Variants in ITPR1 observed in about 807,000 individuals in gnomAD.
The protein encoded by ITPR1 is inositol 1,4,5-trisphosphate-gated calcium channel ITPR1.
In ITPR1, 96 loss-of-function variants were observed where a neutral mutation model predicts 318.4. The observed-to-expected ratio is 0.30, with a 90% CI of 0.26 to 0.36. ITPR1 has a LOEUF of 0.36. ITPR1 is among the 10% of genes least tolerant of loss of function. The pLI is 1.00. For synonymous variants in ITPR1, 1,312 were observed against 1,289.9 expected (o/e 1.02, Z -0.37); for missense variants, 2,440 against 3,460.2 (o/e 0.71, Z 7.40).
chr3:4,585,737 T>C (rs1489492498), intron 4 of ITPR1, among the ~76,000 whole-genome samples: 1 of 151,460 alleles, frequency 6.6e-6, no homozygotes, highest in Non-Finnish European at 1.5e-5. Flanking sequence ...GCACCCAGCC[T>C]AACATGCACT....
intron 60 of ITPR1, among the ~76,000 whole-genome samples, chr3:4,822,189 C>T (rs2049771817): frequency 2.0e-5 from 3 of 152,162 alleles, no homozygotes; most frequent in African/African-American, 7.2e-5. Flanking sequence ...TAAATGAGAC[C>T]TGGCAGGTGG....
chr3:4,706,327 C>T lies in ITPR1; in HGVS notation c.4818C>T (p.Tyr1606=), dbSNP rs1574947112. 2 of 1,613,016 alleles carry T rather than the reference C, an allele frequency of 1.2e-6. No individual in the cohort carries two copies. The highest frequency in any genetic ancestry group is 2.2e-5 in the East Asian group (1 of 44,870). The change falls in exon 37 of 62, where the codon TAC becomes TAT. Residue 1606 remains tyrosine, a synonymous_variant. Transcript: ENST00000649015. ...RDSVLAASRD[Y]RNIIERLQDI... ...CTGTTCTGGCAGCTTCCAGAGACTACCGGAATATCATTGAGAGATTGCAGG... is the reference window on the plus strand; with the variant it reads ...CTGTTCTGGCAGCTTCCAGAGACTATCGGAATATCATTGAGAGATTGCAGG...
chr3:4,835,363 G>T (rs1028529289), intron 60 of ITPR1, among the ~76,000 whole-genome samples: 1 of 152,154 alleles, frequency 6.6e-6, no homozygotes, highest in Non-Finnish European at 1.5e-5. Flanking sequence ...AACCCAGCCT[G>T]CTGCCCGCAT....
chr3:4,630,017 G>A (rs1437967988), intron 5 of ITPR1, among the ~76,000 whole-genome samples: 1 of 152,060 alleles, frequency 6.6e-6, no homozygotes, highest in Admixed American at 6.6e-5. Context: ...CTTCTTTAGA[G>A]CAAATATTAT....
chr3:4,508,291 T>C (rs2081536053), intron 2 of ITPR1, among the ~76,000 whole-genome samples: 1 of 152,104 alleles, frequency 6.6e-6, no homozygotes. Flanking sequence ...TGGGGTCCCT[T>C]AACTAGTATA....
At chr3:4,780,012 G>T (rs1015735587) in intron 49 of ITPR1, among the ~76,000 whole-genome samples, 3 of 151,954 alleles carry the variant, frequency 2.0e-5, no homozygotes, top group Non-Finnish European at 4.4e-5. Context: ...CCTCATGGGG[G>T]ACAGTGTGGT....
chr3:4,582,594 A>G (rs540764072), intron 4 of ITPR1, among the ~76,000 whole-genome samples: 30 of 152,360 alleles, frequency 2.0e-4, no homozygotes, highest in African/African-American at 6.7e-4. Context: ...GTGGTTGACC[A>G]TGTTGCATGA....
rs141033446 is a variant in ITPR1, at chr3:4,820,516, T to C, written c.8028+2274T>C. Among the ~76,000 whole-genome samples, 215 of 152,238 alleles carry C rather than the reference T, an allele frequency of 1.4e-3. 1 individual carries two copies. The highest frequency in any genetic ancestry group is 2.9e-3 in the Admixed American group (44 of 15,290). On this transcript the variant is annotated intron_variant, in intron 60 of 61. Transcript: ENST00000649015. ...ACTTGATAAGGATTAAGAGCCAGAG[T>C]GACCTGTAGCCCGCCACCCACCCAA... is the stretch of plus-strand genomic sequence containing the variant.
chr3:4,682,530 T>C (rs935363467), intron 26 of ITPR1, among the ~76,000 whole-genome samples: 10 of 152,242 alleles, frequency 6.6e-5, no homozygotes, highest in African/African-American at 2.4e-4. Context: ...CAATGCTTAA[T>C]ATAAAACCTG....
chr3:4,574,592 G>A (rs944140447), intron 4 of ITPR1, among the ~76,000 whole-genome samples: 2 of 152,216 alleles, frequency 1.3e-5, no homozygotes, highest in Admixed American at 6.5e-5. Flanking sequence ...TTAGAATCAT[G>A]TATAACGGCT....
chr3:4,791,216 A>G (rs912824560), intron 52 of ITPR1, among the ~76,000 whole-genome samples: 9 of 152,168 alleles, frequency 5.9e-5, no homozygotes, highest in African/African-American at 9.7e-5. Context: ...TCTTTTTGCT[A>G]TAATGTAGCA....
chr3:4,673,196 A>G lies in ITPR1; in HGVS notation c.2265A>G (p.Glu755=), dbSNP rs372382966. The G allele has an allele frequency of 1.2e-6, 2 of 1,613,918 alleles. No individual in the cohort carries two copies. The highest frequency in any genetic ancestry group is 3.3e-5 in the Admixed American group (2 of 60,016). ...ACCGCCAATACCTGGCCATCAACGA[A>G]ATCTCAGGCCAGCTGGATGTCGATC... ...CLDRQYLAIN[E]ISGQLDVDLI... Residue 755 remains glutamate, a synonymous_variant, in exon 21 of 62, where the codon GAA becomes GAG. Transcript: ENST00000649015.
intron 61 of ITPR1, among the ~76,000 whole-genome samples, chr3:4,840,760 A>G (rs767867076): frequency 1.1e-4 from 16 of 152,220 alleles, no homozygotes; most frequent in Non-Finnish European, 1.9e-4. Context: ...GATTCTGAAC[A>G]CTAAATGTGA....
intron 4 of ITPR1, among the ~76,000 whole-genome samples, chr3:4,527,882 G>C (rs566212221): frequency 1.3e-5 from 2 of 152,182 alleles, no homozygotes; most frequent in East Asian, 3.9e-4. Flanking sequence ...GGATTTAGTA[G>C]GATTATTTTA....
At chr3:4,650,532 AC>A (rs2093569289) in intron 10 of ITPR1, among the ~76,000 whole-genome samples, 1 of 150,830 alleles carries the variant, frequency 6.6e-6, no homozygotes, top group African/African-American at 2.4e-5. Context: ...CATGCATCCT[AC>A]CCCAACCTCA....
intron 54 of ITPR1, 66 bp from the exon 55 acceptor site, chr3:4,806,037 C>G (rs1463897677): frequency 4.5e-6 from 6 of 1,345,116 alleles, no homozygotes; most frequent in Non-Finnish European, 6.2e-6. Flanking sequence ...GTGAGATGCT[C>G]TCGTTGCTCT....
chr3:4,802,635 C>A (rs902756747), intron 54 of ITPR1, among the ~76,000 whole-genome samples: 1 of 151,936 alleles, frequency 6.6e-6, no homozygotes, highest in African/African-American at 2.4e-5. Flanking sequence ...CCAGCCTGGC[C>A]AGTATGCATG....
At chr3:4,729,259 G>C (rs1195507708) in intron 42 of ITPR1, among the ~76,000 whole-genome samples, 1 of 152,112 alleles carries the variant, frequency 6.6e-6, no homozygotes. Flanking sequence ...TGTAAAATGG[G>C]GGTGACAATG....
chr3:4,581,687 T>C (rs1559484008), intron 4 of ITPR1, among the ~76,000 whole-genome samples: 3 of 152,190 alleles, frequency 2.0e-5, no homozygotes, highest in African/African-American at 7.2e-5. Context: ...AAAATGACTG[T>C]AGGGGGAACC....
Sources: allele counts gnomAD v4.1 joint callset (sites outside exome capture counted in the v4.1 genomes callset), GRCh38; gene constraint gnomAD v4.1.1; transcripts MANE v1.5; gene names NCBI Gene and HGNC (gene_info 2026-07-23, HGNC 2026-07-21).